Variants in TASP1 observed in about 807,000 individuals in gnomAD.
TASP1 encodes taspase 1.
TASP1 carries 16 observed loss-of-function variants against 56.6 expected under a neutral mutation model. The observed-to-expected ratio is 0.28, with a 90% CI of 0.19 to 0.43. The LOEUF (loss-of-function observed/expected upper bound fraction) is 0.43. TASP1 is among the 20% of genes least tolerant of loss of function. TASP1 has a pLI of 1.00. For synonymous variants in TASP1, 179 were observed against 184.2 expected, an observed-to-expected ratio of 0.97 and a Z score of 0.23; for missense variants, 393 against 511.6, an observed-to-expected ratio of 0.77 and a Z score of 2.24.
At chr20:13,398,841 C>T (rs1162742654) in intron 13 of TASP1, among the ~76,000 whole-genome samples, 1 of 152,160 alleles carries the variant, frequency 6.6e-6, no homozygotes, top group African/African-American at 2.4e-5. Flanking sequence ...CTCCTCCAGT[C>T]GCCACTCCAT....
rs536955248 is a variant in TASP1, at chr20:13,470,138, C to T, written c.985+13089G>A. 3.3e-5 allele frequency among the ~76,000 whole-genome samples: 5 copies of T among 152,178 alleles called. No homozygotes were observed. The East Asian group carries it at 9.7e-4, about 29-fold the overall frequency. ...CAAATGTCTATTACCTTCAATAATGCCATTGAGTATTATCTCTCTAATCAC... is the reference window on the plus strand; with the variant it reads ...CAAATGTCTATTACCTTCAATAATGTCATTGAGTATTATCTCTCTAATCAC... On this transcript the variant is annotated intron_variant, in intron 11 of 13. Transcript: ENST00000337743.
At chr20:13,223,166 ATAAAAT>A in the TASP1 span, among the ~76,000 whole-genome samples, 2 of 144,282 alleles carry the variant, frequency 1.4e-5, no homozygotes, top group African/African-American at 5.2e-5. Context: ...CAAAAAAAAA[ATAAAAT>A]AAAATAAAAT....
chr20:13,340,128 A>C, the TASP1 span, among the ~76,000 whole-genome samples: 252 of 152,292 alleles, frequency 1.7e-3, 2 homozygotes, highest in African/African-American at 5.8e-3. Context: ...TGAGACCTCA[A>C]CAGGGAAAAA....
At chr20:13,326,885 T>TC in the TASP1 span, among the ~76,000 whole-genome samples, 1 of 152,248 alleles carries the variant, frequency 6.6e-6, no homozygotes, top group Non-Finnish European at 1.5e-5. Flanking sequence ...TGGAAGCATT[T>TC]CCCTTGAAAA....
intron 5 of TASP1, among the ~76,000 whole-genome samples, chr20:13,585,671 C>T (rs900383648): frequency 2.6e-5 from 4 of 152,140 alleles, no homozygotes; most frequent in Admixed American, 1.3e-4. Flanking sequence ...CCACTACACA[C>T]ATATCAAAAT....
Position 13,453,557 on chromosome 20 carries a change from T to C in TASP1, c.986-18403A>G, listed in dbSNP as rs2043710813. On this transcript the variant is annotated intron_variant, in intron 11 of 13. Transcript: ENST00000337743. ...ACTTGGGAATGGCATATACTTACAT[T>C]GGGATTTAAGAGCCTAAACTGAAAG... 2.0e-5 allele frequency among the ~76,000 whole-genome samples: 3 copies of C among 152,094 alleles called. No homozygotes were observed. In the South Asian group the frequency reaches 6.2e-4, roughly 31 times the overall value.
chr20:13,633,793 A>G (rs147327819), intron 1 of TASP1, among the ~76,000 whole-genome samples: 3 of 152,232 alleles, frequency 2.0e-5, no homozygotes, highest in African/African-American at 7.2e-5. Flanking sequence ...AAGATTTCCA[A>G]TGAAAGGAGA....
chr20:13,342,301 T>G, the TASP1 span, among the ~76,000 whole-genome samples: 1 of 152,172 alleles, frequency 6.6e-6, no homozygotes, highest in African/African-American at 2.4e-5. Flanking sequence ...TTGTGTTTGT[T>G]TTGACTTTTA....
chr20:13,247,706 A>C, the TASP1 span, among the ~76,000 whole-genome samples: 22 of 152,258 alleles, frequency 1.4e-4, no homozygotes, highest in East Asian at 4.2e-3. Context: ...GAACTGTGAG[A>C]AGTATTGAAA....
At chr20:13,395,566 T>C (rs997004277) in intron 13 of TASP1, among the ~76,000 whole-genome samples, 6 of 152,236 alleles carry the variant, frequency 3.9e-5, no homozygotes, top group Non-Finnish European at 8.8e-5. Context: ...CTCTTCTGTA[T>C]TTATCACTAC....
chr20:13,438,935 G>A (rs2043114187), intron 11 of TASP1, among the ~76,000 whole-genome samples: 2 of 152,138 alleles, frequency 1.3e-5, no homozygotes. Context: ...TTAGAGAAAT[G>A]CATATCAAAA....
chr20:13,277,221 A>G, the TASP1 span, among the ~76,000 whole-genome samples: 1 of 152,184 alleles, frequency 6.6e-6, no homozygotes, highest in Non-Finnish European at 1.5e-5. Context: ...ATTGCAGGGC[A>G]CGTTTTGTTT....
At chr20:13,533,771 C>T (rs2045313394) in intron 9 of TASP1, among the ~76,000 whole-genome samples, 1 of 152,042 alleles carries the variant, frequency 6.6e-6, no homozygotes, top group African/African-American at 2.4e-5. Flanking sequence ...CAGGCCAGTG[C>T]CCAGCCTGCT....
chr20:13,560,094 A>G (rs2046294344), intron 7 of TASP1, among the ~76,000 whole-genome samples: 1 of 152,214 alleles, frequency 6.6e-6, no homozygotes, highest in Admixed American at 6.5e-5. Context: ...TCAATAAAAT[A>G]ATCAAAATTT....
chr20:13,365,130 G>A, the TASP1 span, among the ~76,000 whole-genome samples: 19 of 152,112 alleles, frequency 1.2e-4, no homozygotes, highest in Non-Finnish European at 1.8e-4. Context: ...TCTTCCATTG[G>A]CTCTATCTGG....
At position 13,514,763 on chromosome 20, in the gene TASP1, A is replaced by G. The variant is rs140595505; in HGVS notation, c.874+13670T>C. On this transcript the variant is annotated intron_variant, in intron 10 of 13. Coordinates refer to ENST00000337743, the MANE Select transcript of TASP1 (RefSeq NM_017714.3). ...ATCAAAGCTAAAAGAAAAACACAAC[A>G]TACAAATAAGTGTACTTTTCATGAT... 5.0e-3 allele frequency among the ~76,000 whole-genome samples: 755 copies of G among 152,300 alleles called. 4 individuals are homozygous for G. Among genetic ancestry groups the G allele is most frequent in the African/African-American group, 0.016 (680 of 41,582 alleles).
the TASP1 span, among the ~76,000 whole-genome samples, chr20:13,190,058 C>A: frequency 2.6e-5 from 4 of 152,092 alleles, no homozygotes; most frequent in African/African-American, 9.7e-5. Context: ...AAATAGAAAA[C>A]CAAATACTGC....
At chr20:13,597,511 A>G (rs1422715390) in intron 4 of TASP1, among the ~76,000 whole-genome samples, 1 of 152,198 alleles carries the variant, frequency 6.6e-6, no homozygotes, top group Admixed American at 6.5e-5. Context: ...TCAATAAACT[A>G]GGTACTGATG....
chr20:13,454,133 C>T (rs1403647155), intron 11 of TASP1, among the ~76,000 whole-genome samples: 2 of 151,630 alleles, frequency 1.3e-5, no homozygotes, highest in Admixed American at 6.6e-5. Context: ...AGGAGACAGA[C>T]AGTAATCACA....
Sources: gnomAD v4.1 joint callset for allele counts (sites outside exome capture counted in the v4.1 genomes callset) on GRCh38, gnomAD v4.1.1 for gene constraint, MANE v1.5 for transcripts, NCBI Gene and HGNC (gene_info 2026-07-23, HGNC 2026-07-21) for gene names.